Variants in DPP6 observed in about 807,000 individuals in gnomAD.
DPP6 encodes A-type potassium channel modulatory protein DPP6.
DPP6 carries 69 observed loss-of-function variants against 122.6 expected under a neutral mutation model. That is an observed-to-expected ratio of 0.56 (90% CI 0.46 to 0.69). The LOEUF (loss-of-function observed/expected upper bound fraction) is 0.69, where lower values mean the gene tolerates loss of function less well. Among genes scored for constraint, DPP6 ranks in the 30% least tolerant of loss-of-function variants. The pLI is 0.00. For missense variants in DPP6, 928 were observed against 1,116.9 expected (o/e 0.83, Z 2.41); for synonymous variants, 418 against 433.1 (o/e 0.97, Z 0.43).
intron 3 of DPP6, among the ~76,000 whole-genome samples, chr7:154,488,073 A>G (rs898653114): frequency 2.6e-5 from 4 of 152,122 alleles, no homozygotes; most frequent in Non-Finnish European, 5.9e-5. Context: ...TGATTGAATG[A>G]TTCAGCAAAT....
At position 153,968,823 on chromosome 7, in the gene DPP6, G is replaced by A. The variant is rs192631738; in HGVS notation, c.51+81089G>A. On this transcript the variant is annotated intron_variant, in intron 1 of 25. Transcript: ENST00000404039. ...TAACCAAAAACAACTATCATTCCGC[G>A]CAACTATCATTCCATATAAGTGGAA... is the stretch of plus-strand genomic sequence containing the variant. 7.3e-5 allele frequency: 11 copies of A among 151,682 alleles called. No homozygotes were observed. In the East Asian group the frequency reaches 1.3e-3, roughly 19 times the overall value. The allele number at this position is 151,682 out of a possible 1,614,324, so 9.4% of individuals were successfully genotyped here.
intron 1 of DPP6, among the ~76,000 whole-genome samples, chr7:154,230,907 A>G (rs1800883091): frequency 6.6e-6 from 1 of 152,252 alleles, no homozygotes; most frequent in Non-Finnish European, 1.5e-5. Context: ...TTCTACCTGT[A>G]AGTGCATAAA....
At chr7:154,272,532 C>T (rs1803863025) in intron 1 of DPP6, among the ~76,000 whole-genome samples, 2 of 152,290 alleles carry the variant, frequency 1.3e-5, no homozygotes, top group East Asian at 1.9e-4. Context: ...GGCAAATTTT[C>T]CTTTTCTCAC....
the DPP6 span, among the ~76,000 whole-genome samples, chr7:153,794,116 G>A: frequency 1.3e-5 from 2 of 152,174 alleles, no homozygotes; most frequent in Non-Finnish European, 2.9e-5. Context: ...GTCCCTACTA[G>A]GGCACCTCCC....
chr7:154,167,604 C>G (rs904339493), intron 1 of DPP6, among the ~76,000 whole-genome samples: 1 of 152,206 alleles, frequency 6.6e-6, no homozygotes, highest in Non-Finnish European at 1.5e-5. Flanking sequence ...CACTGCTTCC[C>G]AGTATCTGCA....
intron 7 of DPP6, among the ~76,000 whole-genome samples, chr7:154,715,529 G>T (rs544241708): frequency 6.6e-6 from 1 of 152,340 alleles, no homozygotes; most frequent in African/African-American, 2.4e-5. Flanking sequence ...GTGGGATTGT[G>T]ATAGGCTATT....
intron 1 of DPP6, among the ~76,000 whole-genome samples, chr7:154,174,941 A>C (rs534664342): frequency 6.8e-6 from 1 of 147,846 alleles, no homozygotes; most frequent in African/African-American, 2.5e-5. Context: ...CAGTGGCATG[A>C]TCTCGGATCA....
chr7:154,690,649 A>G (rs1839882243), intron 7 of DPP6, among the ~76,000 whole-genome samples: 1 of 152,048 alleles, frequency 6.6e-6, no homozygotes, highest in Non-Finnish European at 1.5e-5. Context: ...ATGAGGCAGC[A>G]AGAGTTGGAC....
chr7:154,317,787 AAC>A (rs1807563451), intron 1 of DPP6, among the ~76,000 whole-genome samples: 1 of 152,192 alleles, frequency 6.6e-6, no homozygotes, highest in African/African-American at 2.4e-5. Context: ...CTTGGCTTGA[AAC>A]ACAAATTATA....
chr7:153,825,138 A>G, the DPP6 span, among the ~76,000 whole-genome samples: 1 of 152,190 alleles, frequency 6.6e-6, no homozygotes, highest in African/African-American at 2.4e-5. Flanking sequence ...CTAAACCTCA[A>G]GGTCCTAAAT....
At chr7:153,906,044 A>G (rs185829549) in intron 1 of DPP6, among the ~76,000 whole-genome samples, 44 of 152,360 alleles carry the variant, frequency 2.9e-4, no homozygotes. Context: ...TAAGAGAAAT[A>G]TATTTTAAGA....
rs545795600 is a variant in DPP6 at position 154,335,093 on chromosome 7, G to T, written c.244-111121G>T. Among the ~76,000 whole-genome samples, 17 of 152,242 alleles carry T rather than the reference G, an allele frequency of 1.1e-4. No individual in the cohort carries two copies. The East Asian group carries it at 2.1e-3, about 19-fold the overall frequency. On this transcript the variant is annotated intron_variant, in intron 1 of 25. Coordinates refer to ENST00000377770, the MANE Select transcript of DPP6 (RefSeq NM_130797.4). ...AGCGTGGAAAACAGGCAGGTAATTT[G>T]TGACCCATAAGGGAGGGGTGAGAAC...
At chr7:154,210,843 AAAGAC>A (rs1799700761) in intron 1 of DPP6, among the ~76,000 whole-genome samples, 5 of 151,798 alleles carry the variant, frequency 3.3e-5, no homozygotes, top group South Asian at 2.1e-4. Context: ...AAGGAAAAAA[AAAGAC>A]AAAAGAAAAA....
chr7:154,456,009 A>G (rs992589628), intron 2 of DPP6, among the ~76,000 whole-genome samples: 1 of 152,182 alleles, frequency 6.6e-6, no homozygotes, highest in African/African-American at 2.4e-5. Flanking sequence ...TTGCTAGTTT[A>G]GTGAAGACTC....
the DPP6 span, among the ~76,000 whole-genome samples, chr7:153,804,562 A>T: frequency 6.6e-6 from 1 of 152,176 alleles, no homozygotes; most frequent in Non-Finnish European, 1.5e-5. Context: ...TATGAGAAAA[A>T]TATTAGGATG....
chr7:154,750,684 C>T (rs963538994), intron 8 of DPP6, among the ~76,000 whole-genome samples: 1 of 152,182 alleles, frequency 6.6e-6, no homozygotes, highest in Non-Finnish European at 1.5e-5. Flanking sequence ...TATAGAATGC[C>T]TTCATTTGGA....
chr7:154,264,910 AGTGATG>A (rs1803290699), intron 1 of DPP6, among the ~76,000 whole-genome samples: 1 of 76,650 alleles, frequency 1.3e-5, no homozygotes, highest in African/African-American at 4.9e-5. Context: ...TGATAGTGAT[AGTGATG>A]ATGGTGTTAA....
intron 17 of DPP6, among the ~76,000 whole-genome samples, chr7:154,854,242 C>T (rs1029093861): frequency 2.6e-5 from 4 of 152,198 alleles, no homozygotes; most frequent in Admixed American, 2.0e-4. Context: ...CATGGAGGGT[C>T]TCTGCATCCA....
At chr7:154,296,363 T>G (rs1199766241) in intron 1 of DPP6, among the ~76,000 whole-genome samples, 1 of 152,142 alleles carries the variant, frequency 6.6e-6, no homozygotes, top group African/African-American at 2.4e-5. Flanking sequence ...ATTCTTAAGA[T>G]AGGACCAAAA....
Sources: gnomAD v4.1 joint callset for allele counts (sites outside exome capture counted in the v4.1 genomes callset) on GRCh38, gnomAD v4.1.1 for gene constraint, MANE v1.5 for transcripts, NCBI Gene and HGNC (gene_info 2026-07-23, HGNC 2026-07-21) for gene names.